The following TPRA1 variants were observed in gnomAD, a reference collection of about 807,000 sequenced individuals.
TPRA1 encodes transmembrane protein adipocyte associated 1.
A neutral mutation model predicts 40.1 loss-of-function variants in TPRA1; 28 were observed. That is an observed-to-expected ratio of 0.70 (90% CI 0.52 to 0.96). The LOEUF (loss-of-function observed/expected upper bound fraction) is 0.96. Among genes scored for constraint, TPRA1 ranks in the 40% least tolerant of loss-of-function variants. The pLI is 0.00. For missense variants in TPRA1, 441 were observed against 482.6 expected, an observed-to-expected ratio of 0.91 and a Z score of 0.81; for synonymous variants, 219 against 209.7, an observed-to-expected ratio of 1.04 and a Z score of -0.38.
intron 3 of TPRA1, among the ~76,000 whole-genome samples, chr3:127,577,964 GC>G (rs2073702048): frequency 3.3e-5 from 5 of 152,256 alleles, no homozygotes; most frequent in Admixed American, 3.3e-4. Flanking sequence ...ACACCACCCT[GC>G]TGCCACAAGG....
intron 1 of TPRA1, among the ~76,000 whole-genome samples, chr3:127,597,110 T>C (rs2074251513): frequency 6.7e-6 from 1 of 149,632 alleles, no homozygotes; most frequent in South Asian, 2.1e-4. Context: ...AGTGACTCTG[T>C]CTCAAAAAAA....
chr3:127,575,102 C>G lies in TPRA1; in HGVS notation c.854+83G>C, dbSNP rs2073545990. On this transcript the variant is annotated intron_variant, in intron 10 of 10. Transcript: ENST00000355552. ...CGCACTGTATGCATACACAGCCTCT[C>G]AGCTTCAATCCTCACACCCATGCTG... 4.1e-6 allele frequency: 6 copies of G among 1,481,068 alleles called. No individual in the cohort carries two copies. In the Admixed American group the frequency reaches 1.1e-4, roughly 27 times the overall value. The allele number at this position is 1,481,068 out of a possible 1,614,324, so 91.7% of individuals were successfully genotyped here. A position where few individuals can be genotyped will look rare whatever the true frequency, so the allele number is the denominator to read the frequency against.
Position 127,576,088 on chromosome 3 carries a change from C to A in TPRA1, c.499-38G>T, listed in dbSNP as rs770234178. 12 of 1,501,458 alleles carry A rather than the reference C, an allele frequency of 8.0e-6. No homozygotes were observed. In the South Asian group the frequency reaches 1.4e-4, roughly 17 times the overall value. The allele number at this position is 1,501,458 out of a possible 1,614,324, so 93.0% of individuals were successfully genotyped here. On this transcript the variant is annotated intron_variant, in intron 6 of 10. Transcript: ENST00000355552. The surrounding 1 kb of genome is among the most constrained non-coding windows in gnomAD (Gnocchi z 4.6). Reference sequence around the variant, plus strand: ...GCAGGAAGGGAGGAAGGGAGAGGATCTCAAGGCTTCTCTCTCCCAGGGGCT... The same window carrying A: ...GCAGGAAGGGAGGAAGGGAGAGGATATCAAGGCTTCTCTCTCCCAGGGGCT...
chr3:127,583,189 T>C (rs1338999642), intron 1 of TPRA1, among the ~76,000 whole-genome samples: 5 of 150,442 alleles, frequency 3.3e-5, no homozygotes, highest in Admixed American at 3.3e-4. Context: ...GGTGCATGCC[T>C]GTAATCCCAG....
intron 1 of TPRA1, among the ~76,000 whole-genome samples, chr3:127,596,885 G>C (rs2074248379): frequency 6.6e-6 from 1 of 152,196 alleles, no homozygotes; most frequent in African/African-American, 2.4e-5. Flanking sequence ...GGGAGGCCAA[G>C]GCAGGCGGAT....
exon 1 of TPRA1, chr3:127,598,034 CT>C (rs1172518218): frequency 1.1e-5 from 3 of 273,776 alleles, no homozygotes; most frequent in Non-Finnish European, 2.1e-5. Context: ...TCTCGAACTC[CT>C]GAGCTTGTGA....
intron 3 of TPRA1, 98 bp from the exon 4 acceptor site, chr3:127,577,174 C>A (rs2073670700): frequency 7.8e-7 from 1 of 1,289,366 alleles, no homozygotes; most frequent in Non-Finnish European, 1.1e-6. Context: ...GCCTTTGATT[C>A]CTGAGGTCGG....
rs776750338 is a variant in TPRA1, at chr3:127,577,000, A to G, written c.335T>C (p.Val112Ala). 6.2e-7 allele frequency: 1 copy of G among 1,613,806 alleles called. No homozygotes were observed. Among genetic ancestry groups the G allele is most frequent in the South Asian group, 1.1e-5 (1 of 91,078 alleles). ...AGGGCCCAGCCGCACCTTATCAGCAACAGTTGCAGCGTTCGAGGTGCTCAC... is the reference window on the plus strand; with the variant it reads ...AGGGCCCAGCCGCACCTTATCAGCAGCAGTTGCAGCGTTCGAGGTGCTCAC... Reference protein sequence around the residue: ...MTVSTSNAATVADKILWEITR... With the variant: ...MTVSTSNAATAADKILWEITR... Residue 112 changes from valine (V) to alanine (A), a missense_variant, in exon 4 of 11, where the codon GTT becomes GCT. Val to Ala is a moderately conservative substitution (Grantham distance 64). Transcript: ENST00000355552. The surrounding 1 kb of genome is among the most constrained non-coding windows in gnomAD (Gnocchi z 4.6).
chr3:127,576,055 A>AT lies in TPRA1; in HGVS notation c.499-6_499-5insA, dbSNP rs2073611290. 1 of 1,607,866 alleles carries AT rather than the reference A, an allele frequency of 6.2e-7. No individual in the cohort carries two copies. Among genetic ancestry groups the AT allele is most frequent in the Admixed American group, 1.7e-5 (1 of 59,938 alleles). Reference sequence around the variant, plus strand: ...GTACAGGATCTCCAGGGTCCCCTGCAGGGGCAAGCAGGAAGGGAGGAAGGG... The same window carrying AT: ...GTACAGGATCTCCAGGGTCCCCTGCATGGGGCAAGCAGGAAGGGAGGAAGGG... On this transcript the variant is annotated splice_polypyrimidine_tract_variant and splice_region_variant and intron_variant, in intron 6 of 10. Transcript: ENST00000355552. This position sits in a 1 kb window ranked among gnomAD's most constrained non-coding sequence, Gnocchi z 4.6.
At chr3:127,574,248 G>A (rs780543364) in intron 10 of TPRA1, among the ~76,000 whole-genome samples, 9 of 152,244 alleles carry the variant, frequency 5.9e-5, no homozygotes, top group African/African-American at 9.6e-5. Context: ...ACAAAAAGGA[G>A]CCTGAGGCTC....
intron 1 of TPRA1, among the ~76,000 whole-genome samples, chr3:127,582,857 A>C (rs1312750811): frequency 6.6e-6 from 1 of 151,202 alleles, no homozygotes; most frequent in Non-Finnish European, 1.5e-5. Context: ...AAAATACAAA[A>C]TTAGGGCCAG....
intron 1 of TPRA1, among the ~76,000 whole-genome samples, chr3:127,597,836 C>A (rs1291102278): frequency 6.6e-6 from 1 of 151,196 alleles, no homozygotes; most frequent in Non-Finnish European, 1.5e-5. Context: ...GAGACGGAGT[C>A]TCACTCTGTC....
At chr3:127,579,700 C>G in intron 3 of TPRA1, 40 bp downstream of exon 3, 6 of 1,607,266 alleles carry the variant, frequency 3.7e-6, no homozygotes, top group Non-Finnish European at 5.1e-6. Flanking sequence ...TTGTTTAACC[C>G]AGTTGGAGTT....
chr3:127,590,571 G>T lies in TPRA1; in HGVS notation c.-179C>A, dbSNP rs1052780057. 2.6e-5 allele frequency: 4 copies of T among 152,242 alleles called. No homozygotes were observed. The highest frequency in any genetic ancestry group is 9.6e-5 in the African/African-American group (4 of 41,456). 9.4% of individuals were successfully genotyped at this position (152,242 alleles called of 1,614,324 possible). A position where few individuals can be genotyped will look rare whatever the true frequency, so the allele number is the denominator to read the frequency against. On this transcript the variant is annotated 5_prime_UTR_variant, in exon 1 of 11. Transcript: ENST00000355552. ...GAAGCGTCGCGCAAGGACCGGGCGCGACCGGCTCCGTGGAATGAGGGCTAG... is the reference window on the plus strand; with the variant it reads ...GAAGCGTCGCGCAAGGACCGGGCGCTACCGGCTCCGTGGAATGAGGGCTAG...
intron 1 of TPRA1, among the ~76,000 whole-genome samples, chr3:127,597,122 A>G (rs2074251790): frequency 6.6e-6 from 1 of 152,070 alleles, no homozygotes; most frequent in Non-Finnish European, 1.5e-5. Context: ...TCAAAAAAAA[A>G]AAAAAGATTC....
At chr3:127,583,911 C>A (rs1003206456) in intron 1 of TPRA1, among the ~76,000 whole-genome samples, 2 of 151,798 alleles carry the variant, frequency 1.3e-5, no homozygotes, top group Non-Finnish European at 2.9e-5. Context: ...CCTCGTGATC[C>A]GCCCACCTCG....
rs1338793887 is a variant in TPRA1, at chr3:127,581,300, A to G, written c.-17-1137T>C. Reference sequence around the variant, plus strand: ...CGGGGAGCAGCCCCAGAGCATGGGCATAAATGGTGGCAGGTTCCTACGGTT... The same window carrying G: ...CGGGGAGCAGCCCCAGAGCATGGGCGTAAATGGTGGCAGGTTCCTACGGTT... On this transcript the variant is annotated intron_variant, in intron 1 of 10. Transcript: ENST00000355552. Among the ~76,000 whole-genome samples the G allele has an allele frequency of 2.6e-5, 4 of 152,264 alleles. No individual in the cohort carries two copies. The East Asian group carries it at 7.7e-4, about 29-fold the overall frequency.
rs745473628 is a variant in TPRA1, at chr3:127,576,860, C to G, written c.379G>C (p.Ala127Pro). Residue 127 changes from alanine (A) to proline (P), a missense_variant, in exon 5 of 11, where the codon GCC (alanine) becomes CCC (proline). By Grantham distance (27) the Ala-to-Pro change is conservative. Coordinates refer to ENST00000355552, the MANE Select transcript of TPRA1 (RefSeq NM_001136053.4). This position sits in a 1 kb window ranked among gnomAD's most constrained non-coding sequence, Gnocchi z 4.6. ...AGGATGATCACACTCAGCTCGATGGCCAGCAGGAAGAAGCGGGTGATCTCC... is the reference window on the plus strand; with the variant it reads ...AGGATGATCACACTCAGCTCGATGGGCAGCAGGAAGAAGCGGGTGATCTCC... ...LWEITRFFLLAIELSVIILGL... is the reference protein window; with the variant it reads ...LWEITRFFLLPIELSVIILGL... 7.4e-6 allele frequency: 12 copies of G among 1,613,954 alleles called. No homozygotes were observed. The highest frequency in any genetic ancestry group is 1.0e-5 in the Non-Finnish European group (12 of 1,180,032).
In TPRA1 at chr3:127,575,429, C is replaced by T. The variant is rs2073572419; in HGVS notation, c.747G>A (p.Leu249=). ...AGAGCCCCTCGATGATGTCGAAGCA[C>T]AGCAGCACACTCCCCAGCCCCTGCA... The part of the protein sequence containing the change: ...NLLQGLGSVL[L]CFDIIEGLCC... The change falls in exon 9 of 11, where the codon CTG becomes CTA. Residue 249 remains leucine (L), a synonymous_variant. Coordinates refer to ENST00000355552, the MANE Select transcript of TPRA1 (RefSeq NM_001136053.4). 1 of 1,600,428 alleles carries T rather than the reference C, an allele frequency of 6.2e-7. No individual in the cohort carries two copies.
Sources: allele counts gnomAD v4.1 joint callset (sites outside exome capture counted in the v4.1 genomes callset), GRCh38; gene constraint gnomAD v4.1.1; non-coding constraint Gnocchi (gnomAD v3.1); transcripts MANE v1.5; gene names NCBI Gene and HGNC (gene_info 2026-07-23, HGNC 2026-07-21).